The following NTM variants were observed in gnomAD, a reference collection of about 807,000 sequenced individuals.
NTM encodes the protein IgLON family member 2.
A neutral mutation model predicts 42.1 loss-of-function variants in NTM; 13 were observed. The ratio of observed to expected loss-of-function variants is 0.31; its 90% CI spans 0.20 to 0.49. The LOEUF (loss-of-function observed/expected upper bound fraction) is 0.49, where lower values mean the gene tolerates loss of function less well. Ranked by LOEUF, NTM falls within the 20% of genes least tolerant of loss-of-function variation. The pLI is 0.99. For synonymous variants in NTM, 187 were observed against 179.2 expected (o/e 1.04, Z -0.35); for missense variants, 373 against 452.8 (o/e 0.82, Z 1.60).
chr11:131,808,928 T>C (rs2092626904), intron 1 of NTM, among the ~76,000 whole-genome samples: 2 of 152,222 alleles, frequency 1.3e-5, no homozygotes, highest in African/African-American at 4.8e-5. Flanking sequence ...TCATTTCATG[T>C]CTCAATTTTC....
rs545382708 is a variant in NTM, at chr11:131,751,283, T to A, written c.83-160281T>A. ...ACCCCGTCTCTACTAAAATAAAAAA[T>A]AAATAAATAAATAAATAAAAAGGCT... On this transcript the variant is annotated intron_variant, in intron 1 of 8. Transcript: ENST00000683400. Among the ~76,000 whole-genome samples, 77 of 149,180 alleles carry A rather than the reference T, an allele frequency of 5.2e-4. 1 individual carries two copies. The highest frequency in any genetic ancestry group is 1.1e-3 in the African/African-American group (46 of 40,786).
At chr11:132,286,521 C>CCAA (rs1262030446) in intron 4 of NTM, among the ~76,000 whole-genome samples, 2 of 152,098 alleles carry the variant, frequency 1.3e-5, no homozygotes, top group Non-Finnish European at 2.9e-5. Context: ...TGTCCGCCCC[C>CCAA]CCCACCCAAA....
chr11:132,039,100 C>T (rs1290363543), intron 2 of NTM, among the ~76,000 whole-genome samples: 1 of 152,188 alleles, frequency 6.6e-6, no homozygotes, highest in African/African-American at 2.4e-5. Flanking sequence ...AACACTCTGC[C>T]CAGGGAGATG....
chr11:131,911,082 C>G, intron 1 of NTM: 1 of 1,127,040 alleles, frequency 8.9e-7, no homozygotes, highest in East Asian at 5.7e-5. Flanking sequence ...AAGCCCACCC[C>G]GTCCCCTTCT....
intron 2 of NTM, among the ~76,000 whole-genome samples, chr11:132,104,941 A>G (rs10894499): frequency 0.59 from 11,003 of 18,798 alleles, 2,152 homozygotes; most frequent in Middle Eastern, 0.71. Context: ...ACATATGTAT[A>G]TATATATATA....
intron 1 of NTM, among the ~76,000 whole-genome samples, chr11:131,516,374 CCTTTT>C (rs1024769450): frequency 5.3e-5 from 8 of 152,116 alleles, no homozygotes; most frequent in Non-Finnish European, 1.2e-4. Flanking sequence ...TGACCCTGAC[CCTTTT>C]CTTTTTATTT....
At chr11:131,450,410 T>C (rs1950391950) in intron 1 of NTM, among the ~76,000 whole-genome samples, 1 of 152,200 alleles carries the variant, frequency 6.6e-6, no homozygotes, top group African/African-American at 2.4e-5. Context: ...CTTGCAGCTG[T>C]CACTTCTCCC....
chr11:131,617,284 T>C (rs985232542), intron 1 of NTM, among the ~76,000 whole-genome samples: 1 of 152,122 alleles, frequency 6.6e-6, no homozygotes, highest in African/African-American at 2.4e-5. Context: ...AAACCCATCA[T>C]GTCACAGGGA....
intron 1 of NTM, among the ~76,000 whole-genome samples, chr11:131,823,143 TGGGAG>T (rs753099894): frequency 7.2e-5 from 11 of 152,196 alleles, no homozygotes; most frequent in Non-Finnish European, 1.2e-4. Flanking sequence ...TTATATTACT[TGGGAG>T]GGGAGATACA....
chr11:131,973,000 A>C (rs2063777544), intron 2 of NTM, among the ~76,000 whole-genome samples: 1 of 152,232 alleles, frequency 6.6e-6, no homozygotes, highest in Non-Finnish European at 1.5e-5. Context: ...ACAAAAACAA[A>C]ATAAACAACA....
intron 1 of NTM, among the ~76,000 whole-genome samples, chr11:131,548,341 C>T (rs537271850): frequency 6.6e-6 from 1 of 152,166 alleles, no homozygotes; most frequent in Admixed American, 6.5e-5. Context: ...GCAGTACATC[C>T]AGGTGATGCC....
intron 1 of NTM, among the ~76,000 whole-genome samples, chr11:131,710,448 T>G (rs745313283): frequency 6.6e-6 from 1 of 152,120 alleles, no homozygotes; most frequent in Non-Finnish European, 1.5e-5. Flanking sequence ...AGGAAAGAGT[T>G]GCTCTCCCAG....
chr11:131,993,317 G>A lies in NTM; in HGVS notation c.167+81669G>A, dbSNP rs1265417041. ...CAGAGAGGAGGGCTATCGGGAAGGT[G>A]GAGTAGGCAGTTCGTTGTCATCAGT... On this transcript the variant is annotated intron_variant, in intron 2 of 8. Coordinates refer to ENST00000683400, the MANE Select transcript of NTM (RefSeq NM_001352005.2). 3.9e-5 allele frequency among the ~76,000 whole-genome samples: 6 copies of A among 152,202 alleles called. No homozygotes were observed. In the East Asian group the frequency reaches 1.2e-3, roughly 30 times the overall value.
chr11:132,169,109 G>A (rs1266913432), intron 3 of NTM, among the ~76,000 whole-genome samples: 2 of 151,896 alleles, frequency 1.3e-5, no homozygotes, highest in Admixed American at 6.6e-5. Flanking sequence ...TAATCACACA[G>A]GCATTTGGAT....
chr11:131,822,943 T>C (rs1164025094), intron 1 of NTM, among the ~76,000 whole-genome samples: 1 of 152,170 alleles, frequency 6.6e-6, no homozygotes, highest in Admixed American at 6.5e-5. Flanking sequence ...CTTTTTTCCT[T>C]CCTTTCTTTC....
chr11:131,827,724 C>CTTGAAG (rs1251625229), intron 1 of NTM, among the ~76,000 whole-genome samples: 1 of 152,186 alleles, frequency 6.6e-6, no homozygotes, highest in Non-Finnish European at 1.5e-5. Context: ...GAGTAGTTAT[C>CTTGAAG]TTGAAGTTCA....
intron 4 of NTM, among the ~76,000 whole-genome samples, chr11:132,292,573 A>G (rs1038094633): frequency 1.3e-5 from 2 of 151,958 alleles, no homozygotes; most frequent in African/African-American, 4.8e-5. Flanking sequence ...TGCCTGCTTG[A>G]GACAGGCACG....
At chr11:131,643,711 T>C (rs2065422517) in intron 1 of NTM, among the ~76,000 whole-genome samples, 1 of 152,214 alleles carries the variant, frequency 6.6e-6, no homozygotes, top group Admixed American at 6.5e-5. Context: ...CTATGTGCTG[T>C]CTGGTTGCTG....
At chr11:131,949,090 C>T (rs947221203) in intron 2 of NTM, among the ~76,000 whole-genome samples, 1 of 152,190 alleles carries the variant, frequency 6.6e-6, no homozygotes, top group Non-Finnish European at 1.5e-5. Context: ...GTTTTCCCTT[C>T]TGTGACTGAC....
Sources: allele counts gnomAD v4.1 joint callset (sites outside exome capture counted in the v4.1 genomes callset), GRCh38; gene constraint gnomAD v4.1.1; transcripts MANE v1.5; gene names NCBI Gene and HGNC (gene_info 2026-07-23, HGNC 2026-07-21).